CEP63: variants seen among roughly 807,000 people sequenced by gnomAD.
CEP63 encodes the protein centrosomal protein of 63 kDa.
CEP63 carries 84 observed loss-of-function variants against 89.1 expected under a neutral mutation model. That is an observed-to-expected ratio of 0.94 (90% CI 0.79 to 1.13). CEP63 has a LOEUF of 1.13. Ranked by LOEUF, CEP63 falls within the 50% of genes most tolerant of loss-of-function variation. CEP63 has a pLI of 0.00. For missense variants in CEP63, 838 were observed against 813.3 expected (o/e 1.03, Z -0.37); for synonymous variants, 267 against 272.5 (o/e 0.98, Z 0.20).
At chr3:134,627,265 G>C in the CEP63 span, among the ~76,000 whole-genome samples, 2 of 152,290 alleles carry the variant, frequency 1.3e-5, no homozygotes, top group Admixed American at 1.3e-4. Context: ...ATAGGAAGAA[G>C]TATGGAGCTG....
intron 3 of CEP63, among the ~76,000 whole-genome samples, chr3:134,516,455 A>G (rs1180392475): frequency 1.3e-5 from 2 of 152,104 alleles, no homozygotes; most frequent in Non-Finnish European, 2.9e-5. Flanking sequence ...TTCCTCTTTT[A>G]CTAATCCTCC....
the CEP63 span, chr3:134,647,376 C>T: frequency 7.6e-7 from 1 of 1,314,406 alleles, no homozygotes; most frequent in South Asian, 1.3e-5. Context: ...AAACCCAATT[C>T]TTCCAGTTAT....
chr3:134,607,713 A>T, the CEP63 span: 1 of 985,730 alleles, frequency 1.0e-6, no homozygotes, highest in African/African-American at 1.7e-5. Context: ...GTGTGCAAAC[A>T]TACTCAGCTG....
chr3:134,754,331 G>A, the CEP63 span, among the ~76,000 whole-genome samples: 2 of 152,248 alleles, frequency 1.3e-5, no homozygotes, highest in East Asian at 1.9e-4. Flanking sequence ...GCCCATATTC[G>A]CCCGCCAGGA....
the CEP63 span, among the ~76,000 whole-genome samples, chr3:134,781,205 T>A: frequency 6.6e-6 from 1 of 152,242 alleles, no homozygotes; most frequent in African/African-American, 2.4e-5. Flanking sequence ...TTGCCTCTGC[T>A]TTTGAACTTC....
chr3:134,541,843 G>T (rs1200882382), intron 6 of CEP63, among the ~76,000 whole-genome samples: 1 of 152,022 alleles, frequency 6.6e-6, no homozygotes, highest in East Asian at 1.9e-4. Flanking sequence ...AGTAATGGGG[G>T]GATGTTTGTT....
chr3:134,658,144 C>T, the CEP63 span, among the ~76,000 whole-genome samples: 1 of 152,208 alleles, frequency 6.6e-6, no homozygotes, highest in Admixed American at 6.5e-5. Flanking sequence ...GATCTGCCCG[C>T]CTCAGCCTCC....
the CEP63 span, among the ~76,000 whole-genome samples, chr3:134,669,010 G>T: frequency 2.4e-4 from 36 of 152,074 alleles, no homozygotes; most frequent in African/African-American, 6.5e-4. Flanking sequence ...AGGGCAGTAT[G>T]CTTCCTTCTT....
the CEP63 span, among the ~76,000 whole-genome samples, chr3:134,683,031 C>G: frequency 2.0e-5 from 3 of 152,180 alleles, no homozygotes; most frequent in African/African-American, 7.2e-5. Flanking sequence ...TTATGCCTCC[C>G]CTACCTCTGA....
chr3:134,768,396 C>T, the CEP63 span, among the ~76,000 whole-genome samples: 2 of 152,192 alleles, frequency 1.3e-5, no homozygotes, highest in Non-Finnish European at 2.9e-5. Flanking sequence ...TTGAATTTCC[C>T]AATCTCTGTT....
At chr3:134,653,517 T>C in the CEP63 span, among the ~76,000 whole-genome samples, 1 of 152,168 alleles carries the variant, frequency 6.6e-6, no homozygotes, top group African/African-American at 2.4e-5. Context: ...GATGAGATGC[T>C]CTTCTTAATG....
chr3:134,574,790 T>G lies in CEP63; in HGVS notation c.1330-3T>G, dbSNP rs917671377. The stretch of plus-strand genomic sequence containing the variant: ...GGCTAATTTTTTATATTTTTTTTTG[T>G]AGAGATGGGGTTTTACCATGTTGTC... On this transcript the variant is annotated splice_region_variant and splice_polypyrimidine_tract_variant and intron_variant, in intron 11 of 11. Coordinates refer to the CEP63 transcript ENST00000354446. 3 of 592,954 alleles carry G rather than the reference T, an allele frequency of 5.1e-6. No homozygotes were observed. The African/African-American group carries it at 5.7e-5, about 11-fold the overall frequency. The allele number at this position is 592,954 out of a possible 1,614,324, so 36.7% of individuals were successfully genotyped here.
At chr3:134,666,204 C>T in the CEP63 span, among the ~76,000 whole-genome samples, 50 of 152,196 alleles carry the variant, frequency 3.3e-4, no homozygotes, top group South Asian at 6.2e-3. Flanking sequence ...AGCCTCAGCA[C>T]GTTCAGAAGG....
chr3:134,501,977 G>A (rs1012173396), intron 2 of CEP63, among the ~76,000 whole-genome samples: 6 of 152,116 alleles, frequency 3.9e-5, no homozygotes, highest in Non-Finnish European at 8.8e-5. Context: ...GTCATAGATG[G>A]CTCTTACTAT....
chr3:134,700,634 T>A, the CEP63 span, among the ~76,000 whole-genome samples: 2 of 152,166 alleles, frequency 1.3e-5, no homozygotes, highest in African/African-American at 2.4e-5. Flanking sequence ...TCCTCCTCCA[T>A]CACACAGACA....
the CEP63 span, among the ~76,000 whole-genome samples, chr3:134,617,154 A>G: frequency 6.6e-6 from 1 of 152,220 alleles, no homozygotes; most frequent in African/African-American, 2.4e-5. Context: ...CATTCCTTCT[A>G]CAGTATGCTA....
intron 3 of CEP63, among the ~76,000 whole-genome samples, chr3:134,517,924 A>G (rs907851286): frequency 6.6e-6 from 1 of 152,202 alleles, no homozygotes. Context: ...TGAAGAATGT[A>G]AAAAGAAGGA....
chr3:134,583,394 A>G (rs1958408865), intron 10 of CEP63, among the ~76,000 whole-genome samples: 1 of 152,166 alleles, frequency 6.6e-6, no homozygotes. Context: ...AGCTTTCTAC[A>G]TATGGCTAGC....
intron 5 of CEP63, among the ~76,000 whole-genome samples, chr3:134,533,118 A>G (rs1950171381): frequency 6.6e-6 from 1 of 152,026 alleles, no homozygotes; most frequent in Admixed American, 6.5e-5. Flanking sequence ...TCAACAGGGC[A>G]GTACCACCCT....
Sources: allele counts gnomAD v4.1 joint callset (sites outside exome capture counted in the v4.1 genomes callset), GRCh38; gene constraint gnomAD v4.1.1; transcripts MANE v1.5; gene names NCBI Gene and HGNC (gene_info 2026-07-23, HGNC 2026-07-21).